Variants in RANBP2 observed in about 807,000 individuals in gnomAD.
The protein encoded by RANBP2 is RAN binding protein 2.
RANBP2 carries 57 observed loss-of-function variants against 303.6 expected under a neutral mutation model. That is an observed-to-expected ratio of 0.19 (90% CI 0.15 to 0.23). The LOEUF is 0.23. Ranked by LOEUF, RANBP2 falls within the 10% of genes least tolerant of loss-of-function variation. The pLI is 1.00. For missense variants in RANBP2, 3,138 were observed against 3,780.8 expected, an observed-to-expected ratio of 0.83 and a Z score of 4.46; for synonymous variants, 1,167 against 1,301.5, an observed-to-expected ratio of 0.90 and a Z score of 2.23.
At chr2:109,759,779 T>C in the RANBP2 span, among the ~76,000 whole-genome samples, 1 of 138,988 alleles carries the variant, frequency 7.2e-6, no homozygotes, top group Non-Finnish European at 1.6e-5. Flanking sequence ...GCCTTTTTCT[T>C]TTTAAAATGT....
chr2:109,371,631 G>A, the RANBP2 span: 2 of 1,614,086 alleles, frequency 1.2e-6, no homozygotes, highest in African/African-American at 2.7e-5. Flanking sequence ...GAACTGGGCG[G>A]AAGGCATGCT....
At chr2:108,790,040 C>T (rs1679641124), downstream of RANBP2, among the ~76,000 whole-genome samples, 1 of 151,940 alleles carries the variant, frequency 6.6e-6, no homozygotes, top group African/African-American at 2.4e-5. Context: ...TATTTGGGAG[C>T]TTGACTTTTT....
At chr2:109,225,435 CACAA>C in the RANBP2 span, among the ~76,000 whole-genome samples, 1 of 152,208 alleles carries the variant, frequency 6.6e-6, no homozygotes, top group Non-Finnish European at 1.5e-5. Flanking sequence ...ACGATTCTCA[CACAA>C]ACAACTCCCT....
the RANBP2 span, among the ~76,000 whole-genome samples, chr2:109,319,333 G>A: frequency 1.3e-5 from 2 of 152,222 alleles, no homozygotes; most frequent in Admixed American, 1.3e-4. Context: ...AGCCAGTGCA[G>A]GTTAGTTGAC....
the RANBP2 span, among the ~76,000 whole-genome samples, chr2:108,874,389 A>T: frequency 6.6e-6 from 1 of 152,196 alleles, no homozygotes; most frequent in Non-Finnish European, 1.5e-5. Context: ...ACCAGTTACT[A>T]AACTATAAAT....
the RANBP2 span, among the ~76,000 whole-genome samples, chr2:109,021,957 G>C: frequency 1.3e-5 from 2 of 152,294 alleles, no homozygotes; most frequent in Non-Finnish European, 2.9e-5. Flanking sequence ...AGCAGGAGTG[G>C]AACTTTTAGA....
the RANBP2 span, among the ~76,000 whole-genome samples, chr2:109,271,276 G>A: frequency 6.6e-6 from 1 of 152,212 alleles, no homozygotes; most frequent in Non-Finnish European, 1.5e-5. Flanking sequence ...GCACCCAGGA[G>A]TCTCCTACCT....
At chr2:109,369,206 G>A in the RANBP2 span, among the ~76,000 whole-genome samples, 1 of 151,648 alleles carries the variant, frequency 6.6e-6, no homozygotes, top group African/African-American at 2.4e-5. Context: ...AAATTAGCCG[G>A]GAGTGGTGGT....
the RANBP2 span, chr2:109,613,655 G>A: frequency 1.9e-6 from 1 of 530,316 alleles, no homozygotes; most frequent in Non-Finnish European, 2.8e-6. Context: ...CGCCGCGGAA[G>A]CCGGGGAGCA....
the RANBP2 span, chr2:108,846,916 A>G: frequency 3.1e-6 from 5 of 1,596,826 alleles, no homozygotes; most frequent in African/African-American, 1.3e-5. Flanking sequence ...ATTGTTCTCA[A>G]AACAGTCACT....
At chr2:108,868,331 A>C in the RANBP2 span, among the ~76,000 whole-genome samples, 1 of 152,200 alleles carries the variant, frequency 6.6e-6, no homozygotes, top group Admixed American at 6.5e-5. Flanking sequence ...GAGATTGGTT[A>C]TGTCTTCAGG....
chr2:109,511,005 G>A, the RANBP2 span, among the ~76,000 whole-genome samples: 4 of 152,196 alleles, frequency 2.6e-5, no homozygotes, highest in Non-Finnish European at 5.9e-5. Context: ...CCATTGCCTC[G>A]TTTTTGTCCT....
chr2:108,819,262 T>A, the RANBP2 span, among the ~76,000 whole-genome samples: 1 of 152,160 alleles, frequency 6.6e-6, no homozygotes, highest in Non-Finnish European at 1.5e-5. Context: ...GTTTGTGGCA[T>A]TTTGCATGTG....
At chr2:109,544,953 A>G in the RANBP2 span, 1 of 984,996 alleles carries the variant, frequency 1.0e-6, no homozygotes, top group Non-Finnish European at 1.2e-6. Flanking sequence ...AAACAAAAAT[A>G]CCTGTAAAAT....
chr2:108,962,575 T>A, the RANBP2 span, among the ~76,000 whole-genome samples: 4 of 146,890 alleles, frequency 2.7e-5, no homozygotes, highest in Non-Finnish European at 4.4e-5. Context: ...CTCGGGAGGC[T>A]GAGGCAGGAG....
chr2:108,991,106 T>C, the RANBP2 span, among the ~76,000 whole-genome samples: 1 of 152,174 alleles, frequency 6.6e-6, no homozygotes, highest in African/African-American at 2.4e-5. Flanking sequence ...GCACAAAATA[T>C]GGATGCTGTA....
At chr2:109,581,474 A>G in the RANBP2 span, among the ~76,000 whole-genome samples, 7 of 151,804 alleles carry the variant, frequency 4.6e-5, no homozygotes, top group South Asian at 6.2e-4. Context: ...AGTTTATTCT[A>G]TGTACAGTAT....
the RANBP2 span, among the ~76,000 whole-genome samples, chr2:109,378,464 G>A: frequency 2.6e-5 from 4 of 152,222 alleles, no homozygotes; most frequent in Admixed American, 2.0e-4. Flanking sequence ...ACTAGAGGCT[G>A]CATGGGCTTA....
the RANBP2 span, among the ~76,000 whole-genome samples, chr2:109,051,300 G>A: frequency 6.6e-6 from 1 of 152,188 alleles, no homozygotes; most frequent in Non-Finnish European, 1.5e-5. Flanking sequence ...GTCACAAGAA[G>A]TCTCACAGCT....
Sources: allele counts gnomAD v4.1 joint callset (sites outside exome capture counted in the v4.1 genomes callset), GRCh38; gene constraint gnomAD v4.1.1; transcripts MANE v1.5; gene names NCBI Gene and HGNC (gene_info 2026-07-23, HGNC 2026-07-21).